Variants in ZBTB20 observed in about 807,000 individuals in gnomAD.
ZBTB20 encodes the protein zinc finger and BTB domain-containing protein 20.
A neutral mutation model predicts 56.9 loss-of-function variants in ZBTB20; 9 were observed. That is an observed-to-expected ratio of 0.16 (90% confidence interval 0.10 to 0.28). The LOEUF is 0.28. ZBTB20 is among the 10% of genes least tolerant of loss of function. ZBTB20 has a pLI of 1.00. For synonymous variants in ZBTB20, 417 were observed against 420.7 expected (o/e 0.99, Z 0.11); for missense variants, 655 against 1,003.0 (o/e 0.65, Z 4.69).
chr3:115,010,534 A>G (rs1401791012), intron 2 of ZBTB20, among the ~76,000 whole-genome samples: 1 of 151,998 alleles, frequency 6.6e-6, no homozygotes, highest in East Asian at 1.9e-4. Flanking sequence ...CCCAGATCTT[A>G]GCCAAGACCA....
chr3:114,923,524 A>G (rs554518483), intron 3 of ZBTB20, among the ~76,000 whole-genome samples: 27 of 152,324 alleles, frequency 1.8e-4, no homozygotes, highest in Middle Eastern at 3.4e-3. Flanking sequence ...CTCAAATGCA[A>G]AAGAATAAGA....
intron 5 of ZBTB20, among the ~76,000 whole-genome samples, chr3:114,750,152 C>T (rs1040041232): frequency 3.1e-4 from 47 of 152,116 alleles, no homozygotes. Context: ...CTCCCCAAAT[C>T]CGGATCATAA....
intron 4 of ZBTB20, among the ~76,000 whole-genome samples, chr3:114,813,473 A>G (rs1296129679): frequency 2.6e-5 from 4 of 152,196 alleles, no homozygotes; most frequent in Non-Finnish European, 5.9e-5. Flanking sequence ...AAAATAGGCT[A>G]GGCATGGTGG....
At chr3:115,087,356 C>T (rs2083025172) in intron 1 of ZBTB20, among the ~76,000 whole-genome samples, 1 of 151,788 alleles carries the variant, frequency 6.6e-6, no homozygotes, top group Non-Finnish European at 1.5e-5. Flanking sequence ...ATCTTCATTA[C>T]TTACATGATC....
chr3:114,399,660 G>A (rs974145030), intron 7 of ZBTB20, among the ~76,000 whole-genome samples: 1 of 151,954 alleles, frequency 6.6e-6, no homozygotes. Flanking sequence ...AGGGTGGCCT[G>A]CCTATTGGGT....
intron 3 of ZBTB20, among the ~76,000 whole-genome samples, chr3:114,965,253 G>T (rs543710551): frequency 6.6e-6 from 1 of 152,160 alleles, no homozygotes; most frequent in African/African-American, 2.4e-5. Context: ...ATATACTTAT[G>T]ATATACAACA....
At chr3:114,472,224 T>C (rs2040212171) in intron 7 of ZBTB20, among the ~76,000 whole-genome samples, 1 of 152,170 alleles carries the variant, frequency 6.6e-6, no homozygotes, top group African/African-American at 2.4e-5. Context: ...CTACTTAGAG[T>C]AACTCCTCAA....
intron 2 of ZBTB20, among the ~76,000 whole-genome samples, chr3:114,994,059 A>G (rs2078928419): frequency 6.6e-6 from 1 of 151,824 alleles, no homozygotes; most frequent in South Asian, 2.1e-4. Flanking sequence ...AAAAATATTA[A>G]TCATTAAATA....
chr3:114,849,537 T>G (rs1223175259), intron 4 of ZBTB20, among the ~76,000 whole-genome samples: 1 of 152,262 alleles, frequency 6.6e-6, no homozygotes, highest in Non-Finnish European at 1.5e-5. Context: ...TGTTTTGTGT[T>G]TTGTTTTCTA....
intron 4 of ZBTB20, among the ~76,000 whole-genome samples, chr3:114,846,092 A>G (rs541908844): frequency 3.3e-5 from 5 of 152,216 alleles, no homozygotes; most frequent in Admixed American, 6.5e-5. Flanking sequence ...TGTATGTTAG[A>G]GACATACACA....
At chr3:114,528,469 T>C (rs1405119864) in intron 6 of ZBTB20, among the ~76,000 whole-genome samples, 1 of 152,176 alleles carries the variant, frequency 6.6e-6, no homozygotes, top group Non-Finnish European at 1.5e-5. Flanking sequence ...AGAAGAAATA[T>C]GGGCTATATT....
At chr3:114,618,507 C>A (rs1400823543) in intron 6 of ZBTB20, among the ~76,000 whole-genome samples, 1 of 152,178 alleles carries the variant, frequency 6.6e-6, no homozygotes, top group Non-Finnish European at 1.5e-5. Context: ...ATCCTCCTGC[C>A]TTGGCCTTTC....
chr3:114,404,984 A>C (rs1003138015), intron 7 of ZBTB20, among the ~76,000 whole-genome samples: 7 of 152,146 alleles, frequency 4.6e-5, no homozygotes, highest in Non-Finnish European at 1.0e-4. Flanking sequence ...TAGCAAGTGA[A>C]AATTAGTCCT....
chr3:114,873,906 T>C (rs1244266309), intron 4 of ZBTB20: 3 of 152,198 alleles, frequency 2.0e-5, no homozygotes, highest in Admixed American at 2.0e-4. Flanking sequence ...AATGAAATTG[T>C]TCCAGGTTAA....
chr3:114,706,813 C>T (rs1020083094), intron 5 of ZBTB20, among the ~76,000 whole-genome samples: 6 of 151,734 alleles, frequency 4.0e-5, no homozygotes, highest in East Asian at 1.9e-4. Flanking sequence ...GGTTAGGTCA[C>T]GGTTTCAGGT....
chr3:114,684,963 A>T (rs539323466), intron 6 of ZBTB20, among the ~76,000 whole-genome samples: 44 of 152,326 alleles, frequency 2.9e-4, no homozygotes, highest in Middle Eastern at 3.4e-3. Context: ...CCAGTTGCAC[A>T]GAATCTAAAT....
chr3:114,976,118 C>A (rs1386828089), intron 2 of ZBTB20, among the ~76,000 whole-genome samples: 1 of 152,174 alleles, frequency 6.6e-6, no homozygotes, highest in Admixed American at 6.5e-5. Flanking sequence ...ATTCAATATT[C>A]ATTCTAGCAA....
At chr3:115,054,552 T>C (rs550186598) in intron 2 of ZBTB20, among the ~76,000 whole-genome samples, 1 of 152,254 alleles carries the variant, frequency 6.6e-6, no homozygotes, top group South Asian at 2.1e-4. Context: ...GCATGTTCTA[T>C]TTTGAGTCTC....
At chr3:114,518,420 C>CA (rs2046272486) in intron 6 of ZBTB20, 1 of 152,110 alleles carries the variant, frequency 6.6e-6, no homozygotes, top group Non-Finnish European at 1.5e-5. Context: ...AATCACTTGC[C>CA]AAGTTTCATT....
Sources: allele counts gnomAD v4.1 joint callset (sites outside exome capture counted in the v4.1 genomes callset), GRCh38; gene constraint gnomAD v4.1.1; transcripts MANE v1.5; gene names NCBI Gene and HGNC (gene_info 2026-07-23, HGNC 2026-07-21).